The following SNX13 variants were observed in gnomAD, a reference collection of about 807,000 sequenced individuals.
SNX13 encodes sorting nexin 13.
Under a neutral mutation model 133.6 loss-of-function variants are expected in SNX13, and 45 were observed. That is an observed-to-expected ratio of 0.34 (90% confidence interval 0.27 to 0.43). The LOEUF (loss-of-function observed/expected upper bound fraction) is 0.43, where lower values mean the gene tolerates loss of function less well. Ranked by LOEUF, SNX13 falls within the 20% of genes least tolerant of loss-of-function variation. The pLI is 1.00. For missense variants in SNX13, 1,032 were observed against 1,145.1 expected, an observed-to-expected ratio of 0.90 and a Z score of 1.43; for synonymous variants, 414 against 373.9, an observed-to-expected ratio of 1.11 and a Z score of -1.24.
chr7:17,897,180 T>C (rs1797300457), intron 2 of SNX13, among the ~76,000 whole-genome samples, 154 bp downstream of exon 2: 1 of 152,098 alleles, frequency 6.6e-6, no homozygotes, highest in Non-Finnish European at 1.5e-5. Flanking sequence ...ACTGTTTTTA[T>C]TTTTATGGGT....
rs1280544476 is a variant in SNX13 at position 17,845,713 on chromosome 7, A to G, written c.1066-19T>C. 1.4e-6 allele frequency: 2 copies of G among 1,466,650 alleles called. No individual in the cohort carries two copies. Among genetic ancestry groups the G allele is most frequent in the South Asian group, 2.5e-5 (2 of 79,178 alleles). The allele number at this position is 1,466,650 out of a possible 1,614,324, so 90.9% of individuals were successfully genotyped here. On this transcript the variant is annotated intron_variant, in intron 11 of 25. Coordinates refer to ENST00000428135, the MANE Select transcript of SNX13 (RefSeq NM_015132.5). ...TTATTTCCTACAGGCAAAAGTGAAT[A>G]TAAGTTAATATTTTATCTAATCATT...
chr7:17,858,773 A>C (rs1792251378), intron 9 of SNX13, among the ~76,000 whole-genome samples: 1 of 152,272 alleles, frequency 6.6e-6, no homozygotes, highest in African/African-American at 2.4e-5. Context: ...GTACACAAAG[A>C]GAGCAACAGA....
intron 13 of SNX13, among the ~76,000 whole-genome samples, chr7:17,835,247 T>A (rs967660879): frequency 6.6e-6 from 1 of 151,918 alleles, no homozygotes; most frequent in African/African-American, 2.4e-5. Context: ...TAGGAAACAC[T>A]GTCATTAGGA....
intron 2 of SNX13, among the ~76,000 whole-genome samples, chr7:17,894,684 A>G (rs1797011577): frequency 6.6e-6 from 1 of 152,224 alleles, no homozygotes; most frequent in Non-Finnish European, 1.5e-5. Context: ...CCAATAAAGC[A>G]AAGTGTTGGA....
Position 17,850,944 on chromosome 7 carries a change from G to A in SNX13, c.858C>T (p.Asn286=). The change falls in exon 10 of 26, where the codon AAC becomes AAT. Residue 286 remains asparagine, a synonymous_variant. Transcript: ENST00000428135. The part of the protein sequence containing the change: ...VIWMIRDSNC[N]YEAFMNIIKL... ...TAATAATGTTCATAAAGGCCTCATA[G>A]TTGCAGTTAGAATCACGGATCTGAA... 9 of 1,605,846 alleles carry A rather than the reference G, an allele frequency of 5.6e-6. No individual in the cohort carries two copies. Among genetic ancestry groups the A allele is most frequent in the Non-Finnish European group, 7.6e-6 (9 of 1,177,622 alleles).
intron 5 of SNX13, among the ~76,000 whole-genome samples, chr7:17,887,846 T>C (rs62446887): frequency 0.039 from 4,409 of 111,740 alleles, 86 homozygotes; most frequent in Non-Finnish European, 0.052. Flanking sequence ...ATGAAACCAC[T>C]GGATAGGAAA....
chr7:17,826,072 T>A lies in SNX13; in HGVS notation c.1655A>T (p.Asn552Ile). The change falls in exon 17 of 26, where the codon AAT becomes ATT. Residue 552 changes from asparagine (N) to isoleucine (I), a missense_variant. Coordinates refer to ENST00000428135, the MANE Select transcript of SNX13 (RefSeq NM_015132.5). ...SINLSLDDLS[N>I]VSSDDSVQLH... The stretch of plus-strand genomic sequence containing the variant: ...TTGTACTGAGTCATCAGAAGAAACA[T>A]TTGAAAGGTCATCTAAAGACTGAGA... The A allele has an allele frequency of 3.9e-6, 6 of 1,558,402 alleles. No individual in the cohort carries two copies. The highest frequency in any genetic ancestry group is 5.2e-6 in the Non-Finnish European group (6 of 1,150,396).
chr7:17,931,150 G>C (rs1801352149), intron 1 of SNX13, among the ~76,000 whole-genome samples: 1 of 152,264 alleles, frequency 6.6e-6, no homozygotes, highest in Admixed American at 6.5e-5. Flanking sequence ...TCAGATGTTA[G>C]TAATTAATAC....
At chr7:17,910,382 A>G (rs905845601) in intron 1 of SNX13, among the ~76,000 whole-genome samples, 8 of 152,228 alleles carry the variant, frequency 5.3e-5, no homozygotes, top group African/African-American at 1.9e-4. Context: ...TACCTCAAAC[A>G]AAACGACTAA....
chr7:17,869,985 G>A (rs1793881926), intron 8 of SNX13, among the ~76,000 whole-genome samples: 1 of 151,986 alleles, frequency 6.6e-6, no homozygotes, highest in Non-Finnish European at 1.5e-5. Flanking sequence ...TTATTAGTTG[G>A]TGCAATGAGT....
chr7:17,814,933 A>C lies in SNX13; in HGVS notation c.1965T>G (p.Ala655=). Residue 655 remains alanine, a synonymous_variant, in exon 20 of 26, where the codon GCT becomes GCG. Transcript: ENST00000428135. ...CGGGGGATGCCTTCATCATTTCAGGAGCTAACAGTAACTAACAAGAAAAAA... is the reference window on the plus strand; with the variant it reads ...CGGGGGATGCCTTCATCATTTCAGGCGCTAACAGTAACTAACAAGAAAAAA... The part of the protein sequence containing the change: ...DLNAYLQLLL[A]PEMMKASPAL... The C allele has an allele frequency of 6.8e-7, 1 of 1,466,848 alleles. No homozygotes were observed. The highest frequency in any genetic ancestry group is 8.9e-7 in the Non-Finnish European group (1 of 1,122,708). 90.9% of individuals were successfully genotyped at this position (1,466,848 alleles called of 1,614,324 possible).
chr7:17,831,331 A>T (rs1319624029), intron 15 of SNX13: 2 of 891,618 alleles, frequency 2.2e-6, no homozygotes, highest in African/African-American at 3.6e-5. Context: ...AAAGGAAAGC[A>T]TAATTCATAT....
At chr7:17,885,374 T>A (rs1043314341) in intron 5 of SNX13, among the ~76,000 whole-genome samples, 3 of 151,680 alleles carry the variant, frequency 2.0e-5, no homozygotes, top group Admixed American at 1.3e-4. Flanking sequence ...ACAATGGATA[T>A]AAGGTTTCTT....
At chr7:17,886,632 G>A (rs1343816143) in intron 5 of SNX13, among the ~76,000 whole-genome samples, 1 of 151,928 alleles carries the variant, frequency 6.6e-6, no homozygotes, top group African/African-American at 2.4e-5. Context: ...CTAATCTTGG[G>A]TTAAGGGGAA....
At chr7:17,925,506 C>T (rs1427053336) in intron 1 of SNX13, among the ~76,000 whole-genome samples, 1 of 152,090 alleles carries the variant, frequency 6.6e-6, no homozygotes, top group Non-Finnish European at 1.5e-5. Flanking sequence ...AAAGGACAGA[C>T]ATACAGATCA....
At chr7:17,906,496 G>A (rs766884129) in intron 1 of SNX13, among the ~76,000 whole-genome samples, 4 of 151,704 alleles carry the variant, frequency 2.6e-5, no homozygotes, top group Non-Finnish European at 4.4e-5. Flanking sequence ...AAATTCACAC[G>A]TAGTTTATTT....
chr7:17,894,959 T>C (rs956543856), intron 2 of SNX13, among the ~76,000 whole-genome samples: 2 of 152,198 alleles, frequency 1.3e-5, no homozygotes, highest in Non-Finnish European at 2.9e-5. Context: ...TTTTTGTTAT[T>C]TGTAAAAGGC....
intron 8 of SNX13, among the ~76,000 whole-genome samples, chr7:17,869,408 T>A (rs1793779201): frequency 6.6e-6 from 1 of 152,128 alleles, no homozygotes; most frequent in African/African-American, 2.4e-5. Flanking sequence ...AAGAATTTAG[T>A]AGATTCTATA....
intron 1 of SNX13, among the ~76,000 whole-genome samples, chr7:17,934,762 C>A (rs1024417221): frequency 6.6e-6 from 1 of 152,042 alleles, no homozygotes; most frequent in African/African-American, 2.4e-5. Context: ...ATAAATCTGG[C>A]CAACAAATAC....
Sources: gnomAD v4.1 joint callset for allele counts (sites outside exome capture counted in the v4.1 genomes callset) on GRCh38, gnomAD v4.1.1 for gene constraint, MANE v1.5 for transcripts, NCBI Gene and HGNC (gene_info 2026-07-23, HGNC 2026-07-21) for gene names.